Variants in URB1 observed in about 807,000 individuals in gnomAD.
URB1 encodes nucleolar pre-ribosomal-associated protein 1.
A neutral mutation model predicts 242.3 loss-of-function variants in URB1; 197 were observed. The observed-to-expected ratio is 0.81, with a 90% CI of 0.72 to 0.91. The LOEUF (loss-of-function observed/expected upper bound fraction) is 0.91, where lower values mean the gene tolerates loss of function less well. URB1 is among the 40% of genes least tolerant of loss of function. URB1 has a pLI of 0.00. For synonymous variants in URB1, 1,153 were observed against 1,201.8 expected, an observed-to-expected ratio of 0.96 and a Z score of 0.84; for missense variants, 2,721 against 2,860.5, an observed-to-expected ratio of 0.95 and a Z score of 1.11.
At position 32,357,571 on chromosome 21, in the gene URB1, T is replaced by C. The variant is rs1391461004; in HGVS notation, c.1955A>G (p.Gln652Arg). The C allele has an allele frequency of 6.5e-7, 1 of 1,532,268 alleles. No homozygotes were observed. The highest frequency in any genetic ancestry group is 8.8e-7 in the Non-Finnish European group (1 of 1,141,366). The allele number at this position is 1,532,268 out of a possible 1,614,324, so 94.9% of individuals were successfully genotyped here. A position where few individuals can be genotyped will look rare whatever the true frequency, so the allele number is the denominator to read the frequency against. Reference sequence around the variant, plus strand: ...CAGAAGTTTGGTCAATGACTTCAGTTGTAAATGGCTACTGGTCACAAACAT... The same window carrying C: ...CAGAAGTTTGGTCAATGACTTCAGTCGTAAATGGCTACTGGTCACAAACAT... ...MKMFVTSSHL[Q>R]LKSLTKLLIM... The change falls in exon 15 of 39, where the codon CAA becomes CGA. Residue 652 changes from glutamine to arginine, a missense_variant. Gln to Arg is a conservative substitution (Grantham distance 43, BLOSUM62 1). Coordinates refer to ENST00000382751, the MANE Select transcript of URB1 (RefSeq NM_014825.3).
At position 32,328,777 on chromosome 21, in the gene URB1, T is replaced by C. The variant is rs139989217; in HGVS notation, c.4961-3388A>G. Among the ~76,000 whole-genome samples the C allele has an allele frequency of 9.5e-4, 144 of 152,324 alleles. No individual in the cohort carries two copies. The East Asian group carries it at 0.021, about 22-fold the overall frequency. On this transcript the variant is annotated intron_variant, in intron 30 of 38. Coordinates refer to ENST00000382751, the MANE Select transcript of URB1 (RefSeq NM_014825.3). ...TTTTGTGCTCATCTCTGCTACTCTA[T>C]GAAAATCTTGGCTTTGTAACACTTA... is the stretch of plus-strand genomic sequence containing the variant.
chr21:32,344,514 C>G, intron 24 of URB1, 56 bp downstream of exon 24: 1 of 1,527,136 alleles, frequency 6.5e-7, no homozygotes, highest in Non-Finnish European at 8.8e-7. Flanking sequence ...CTTGGTTTGT[C>G]TAGCATACTC....
At chr21:32,365,463 A>C (rs995950734) in intron 10 of URB1, among the ~76,000 whole-genome samples, 5 of 151,988 alleles carry the variant, frequency 3.3e-5, no homozygotes, top group Non-Finnish European at 7.4e-5. Flanking sequence ...AAAAGAAAAA[A>C]AAATTTTAAT....
At chr21:32,364,794 C>CA (rs3840079) in intron 10 of URB1, among the ~76,000 whole-genome samples, 83,742 of 151,214 alleles carry the variant, frequency 0.55, 28,150 homozygotes, top group Non-Finnish European at 0.75. Context: ...AGAAATAAAA[C>CA]AAAAAAAAAC....
chr21:32,316,372 GA>G, intron 38 of URB1, 93 bp downstream of exon 38: 1 of 1,437,600 alleles, frequency 7.0e-7, no homozygotes, highest in Non-Finnish European at 9.1e-7. Context: ...GAAGTCAGCA[GA>G]AACCTGAGTG....
Position 32,350,758 on chromosome 21 carries a change from G to A in URB1, c.2778C>T (p.Leu926=), listed in dbSNP as rs371152346. 65 of 1,551,408 alleles carry A rather than the reference G, an allele frequency of 4.2e-5. No homozygotes were observed. Among genetic ancestry groups the A allele is most frequent in the East Asian group, 7.3e-5 (3 of 40,924 alleles). Residue 926 remains leucine, a synonymous_variant, in exon 20 of 39, where the codon CTC becomes CTT. Transcript: ENST00000382751. The part of the protein sequence containing the change: ...MPHLSMQQVL[L]AAKQVLLYLR... The stretch of plus-strand genomic sequence containing the variant: ...GGTAGAGCAACACCTGCTTGGCCGC[G>A]AGCAGGACCTGCTGCATGGACAGGT...
In URB1 at chr21:32,324,612, A is replaced by G. The variant is rs2032806648; in HGVS notation, c.5122-10T>C. The G allele has an allele frequency of 6.5e-7, 1 of 1,539,854 alleles. No individual in the cohort carries two copies. The highest frequency in any genetic ancestry group is 1.4e-5 in the African/African-American group (1 of 72,824). On this transcript the variant is annotated splice_polypyrimidine_tract_variant and intron_variant, in intron 31 of 38. Coordinates refer to ENST00000382751, the MANE Select transcript of URB1 (RefSeq NM_014825.3). ...CCAACAGGTAAAGTAGCTTGAAAAC[A>G]GAACAGAAAAGGAAAATGTAAGATG...
intron 32 of URB1, among the ~76,000 whole-genome samples, chr21:32,323,956 G>A (rs1030264858): frequency 6.6e-6 from 1 of 152,050 alleles, no homozygotes; most frequent in African/African-American, 2.4e-5. Context: ...GTGCCAGACC[G>A]TGTCTCCAAA....
intron 30 of URB1, among the ~76,000 whole-genome samples, chr21:32,329,080 G>C (rs1160995039): frequency 6.8e-6 from 1 of 147,482 alleles, no homozygotes; most frequent in East Asian, 2.0e-4. Flanking sequence ...AGTTCCCCTG[G>C]CAACATAGAG....
chr21:32,335,704 G>C (rs531008303), intron 28 of URB1: 5 of 152,604 alleles, frequency 3.3e-5, no homozygotes, highest in African/African-American at 1.2e-4. Flanking sequence ...AGGCACACCC[G>C]GCAGACTGCC....
At chr21:32,348,292 C>T (rs1361637502) in intron 21 of URB1, among the ~76,000 whole-genome samples, 3 of 152,180 alleles carry the variant, frequency 2.0e-5, no homozygotes, top group Non-Finnish European at 4.4e-5. Context: ...TGTCTACTTA[C>T]AGCTGGGGTG....
intron 37 of URB1, 24 bp downstream of exon 37, chr21:32,317,652 C>G: frequency 6.5e-7 from 1 of 1,549,804 alleles, no homozygotes; most frequent in Non-Finnish European, 8.7e-7. Context: ...CTACTCTGGG[C>G]CAGTCCTGGG....
At chr21:32,378,361 C>CT in intron 5 of URB1, 84 bp downstream of exon 5, 3 of 1,319,438 alleles carry the variant, frequency 2.3e-6, no homozygotes, top group Non-Finnish European at 3.2e-6. Context: ...AGGCTGCAGA[C>CT]TTTTTTTGAA....
intron 20 of URB1, 102 bp from the exon 21 acceptor site, chr21:32,349,585 G>A: frequency 2.3e-6 from 3 of 1,279,220 alleles, no homozygotes; most frequent in Non-Finnish European, 2.1e-6. Context: ...AGACTCGGGA[G>A]GCAGGCTGAG....
intron 10 of URB1, among the ~76,000 whole-genome samples, chr21:32,363,826 C>CT (rs879292364): frequency 3.0e-4 from 45 of 147,902 alleles, no homozygotes; most frequent in Middle Eastern, 3.6e-3. Context: ...TTCTGGCTTT[C>CT]TTTTTTTTTT....
At chr21:32,332,117 T>TA (rs765134467) in intron 30 of URB1, among the ~76,000 whole-genome samples, 1 of 152,170 alleles carries the variant, frequency 6.6e-6, no homozygotes, top group East Asian at 1.9e-4. Flanking sequence ...CAACAACAGG[T>TA]GAAGCAGTAT....
intron 5 of URB1, among the ~76,000 whole-genome samples, chr21:32,376,130 A>G (rs371664728): frequency 6.6e-6 from 1 of 152,264 alleles, no homozygotes; most frequent in South Asian, 2.1e-4. Context: ...AATGTACGGT[A>G]TAACAAACTA....
chr21:32,330,220 T>TGG (rs1226003624), intron 30 of URB1, among the ~76,000 whole-genome samples: 2 of 89,568 alleles, frequency 2.2e-5, no homozygotes, highest in African/African-American at 7.9e-5. Context: ...TTTTTTTTTT[T>TGG]GGGTATATCC....
At chr21:32,355,082 A>G in intron 16 of URB1, 85 bp from the exon 17 acceptor site, 1 of 1,431,022 alleles carries the variant, frequency 7.0e-7, no homozygotes. Flanking sequence ...GTCAAAATCA[A>G]GGCAAGTGAT....
Sources: allele counts gnomAD v4.1 joint callset (sites outside exome capture counted in the v4.1 genomes callset), GRCh38; gene constraint gnomAD v4.1.1; transcripts MANE v1.5; gene names NCBI Gene and HGNC (gene_info 2026-07-23, HGNC 2026-07-21).